SMAD2: variants seen among roughly 807,000 people sequenced by gnomAD.
SMAD2 encodes the protein MAD homolog 2.
Under a neutral mutation model 64.4 loss-of-function variants are expected in SMAD2, and 8 were observed. The ratio of observed to expected loss-of-function variants is 0.12; its 90% confidence interval spans 0.07 to 0.22. The LOEUF (loss-of-function observed/expected upper bound fraction) is 0.22, where lower values mean the gene tolerates loss of function less well. Among genes scored for constraint, SMAD2 ranks in the 10% least tolerant of loss-of-function variants. The pLI is 1.00. For missense variants in SMAD2, 289 were observed against 561.2 expected, an observed-to-expected ratio of 0.51 and a Z score of 4.90; for synonymous variants, 203 against 195.8, an observed-to-expected ratio of 1.04 and a Z score of -0.31.
chr18:47,854,237 T>C (rs1476898518), intron 6 of SMAD2, among the ~76,000 whole-genome samples: 1 of 152,174 alleles, frequency 6.6e-6, no homozygotes, highest in African/African-American at 2.4e-5. Context: ...ATTAGCAGTG[T>C]CTACTTACAG....
intron 2 of SMAD2, among the ~76,000 whole-genome samples, chr18:47,894,672 C>T (rs779532751): frequency 1.1e-4 from 17 of 152,192 alleles, no homozygotes; most frequent in Non-Finnish European, 2.1e-4. Flanking sequence ...CTGGATATAG[C>T]CCCAAGCATA....
At chr18:47,846,733 C>T (rs146011629) in intron 8 of SMAD2, among the ~76,000 whole-genome samples, 71 of 152,240 alleles carry the variant, frequency 4.7e-4, no homozygotes, top group African/African-American at 1.2e-3. Flanking sequence ...GATAAGAACA[C>T]AAGCCAGCTG....
chr18:47,861,635 T>C (rs1415503558), intron 6 of SMAD2, among the ~76,000 whole-genome samples: 1 of 152,190 alleles, frequency 6.6e-6, no homozygotes, highest in Admixed American at 6.5e-5. Context: ...GTTATAAGAC[T>C]ATTATCCTGA....
chr18:47,859,149 T>A (rs2030964744), intron 6 of SMAD2, among the ~76,000 whole-genome samples: 1 of 152,114 alleles, frequency 6.6e-6, no homozygotes, highest in Non-Finnish European at 1.5e-5. Context: ...AGATGTATAA[T>A]TCCAAATGTG....
At chr18:47,888,350 C>A (rs971246810) in intron 2 of SMAD2, among the ~76,000 whole-genome samples, 1 of 151,742 alleles carries the variant, frequency 6.6e-6, no homozygotes, top group African/African-American at 2.4e-5. Context: ...TAGGTGCAGG[C>A]TAAAGGCTTG....
At chr18:47,850,372 ATT>A (rs1568040678) in intron 7 of SMAD2, among the ~76,000 whole-genome samples, 1 of 25,718 alleles carries the variant, frequency 3.9e-5, no homozygotes, top group Non-Finnish European at 5.6e-5. Context: ...TATAATATAT[ATT>A]ATATATATTA....
Position 47,834,994 on chromosome 18 carries a change from C to A in SMAD2, c.*6833G>T. The A allele has an allele frequency of 4.5e-6, 1 of 221,412 alleles. No individual in the cohort carries two copies. The highest frequency in any genetic ancestry group is 9.0e-6 in the Non-Finnish European group (1 of 110,556). The allele number at this position is 221,412 out of a possible 1,614,324, so 13.7% of individuals were successfully genotyped here. Reference sequence around the variant, plus strand: ...GAGGTCTGGCCTTGGGAAAAGATGGCGAAAGGAATATTCTCAGATATGAAC... The same window carrying A: ...GAGGTCTGGCCTTGGGAAAAGATGGAGAAAGGAATATTCTCAGATATGAAC... On this transcript the variant is annotated 3_prime_UTR_variant, in exon 11 of 11. Coordinates refer to ENST00000262160, the MANE Select transcript of SMAD2 (RefSeq NM_005901.6).
intron 6 of SMAD2, among the ~76,000 whole-genome samples, chr18:47,858,555 C>CA (rs2030912522): frequency 6.6e-6 from 1 of 152,002 alleles, no homozygotes; most frequent in East Asian, 1.9e-4. Context: ...ATATCAAAAG[C>CA]AAAAAATAAC....
At chr18:47,868,980 G>A (rs888773543) in intron 4 of SMAD2, among the ~76,000 whole-genome samples, 2 of 152,134 alleles carry the variant, frequency 1.3e-5, no homozygotes, top group Admixed American at 1.3e-4. Flanking sequence ...CATCAGCATA[G>A]CGCTGAGCAG....
At chr18:47,847,992 C>T (rs1914692062) in intron 8 of SMAD2, among the ~76,000 whole-genome samples, 1 of 151,958 alleles carries the variant, frequency 6.6e-6, no homozygotes, top group Admixed American at 6.6e-5. Flanking sequence ...ATATTTTGAA[C>T]TATATTAAAT....
At position 47,810,245 on chromosome 18, in the gene SMAD2, G is replaced by T. The variant is rs1021155100; in HGVS notation, c.*31582C>A. On this transcript the variant is annotated 3_prime_UTR_variant, in exon 11 of 11. Transcript: ENST00000262160. ...TGCACACACGAGAAGAAAGTAAGAG[G>T]TCGCCAACCAAGTCATTTCCCTGTC... 2 of 152,260 alleles carry T rather than the reference G, an allele frequency of 1.3e-5. No individual in the cohort carries two copies. Among genetic ancestry groups the T allele is most frequent in the Non-Finnish European group, 2.9e-5 (2 of 68,050 alleles). 9.4% of individuals were successfully genotyped at this position (152,260 alleles called of 1,614,324 possible).
intron 2 of SMAD2, among the ~76,000 whole-genome samples, chr18:47,877,235 G>A (rs1257952128): frequency 6.6e-6 from 1 of 150,558 alleles, no homozygotes. Context: ...AAAGCATGCT[G>A]AACACTCAGT....
intron 2 of SMAD2, among the ~76,000 whole-genome samples, chr18:47,882,831 T>G (rs2032686628): frequency 6.6e-6 from 1 of 152,236 alleles, no homozygotes; most frequent in African/African-American, 2.4e-5. Flanking sequence ...TATTTCTTCA[T>G]GCATCAGCTG....
At chr18:47,869,151 A>C (rs1203427595) in intron 4 of SMAD2, 92 bp downstream of exon 4, 1 of 876,814 alleles carries the variant, frequency 1.1e-6, no homozygotes, top group Non-Finnish European at 1.8e-6. Flanking sequence ...TAGAATTTAC[A>C]CTAAAATTTT....
chr18:47,836,633 ATATAT>A lies in SMAD2; in HGVS notation c.*5189_*5193del, dbSNP rs1568024242. ...TATATGTATATATAAATTCATACAC[ATATAT>A]TATTTATTTCCTTCTTAAAAAGACT... is the stretch of plus-strand genomic sequence containing the variant. On this transcript the variant is annotated 3_prime_UTR_variant, in exon 11 of 11. Transcript: ENST00000262160. 1 of 214,430 alleles carries A rather than the reference ATATAT, an allele frequency of 4.7e-6. No individual in the cohort carries two copies. Among genetic ancestry groups the A allele is most frequent in the Non-Finnish European group, 9.4e-6 (1 of 106,428 alleles). The allele number at this position is 214,430 out of a possible 1,614,324, so 13.3% of individuals were successfully genotyped here.
chr18:47,908,969 A>G (rs2034015016), intron 1 of SMAD2, among the ~76,000 whole-genome samples: 1 of 152,232 alleles, frequency 6.6e-6, no homozygotes, highest in East Asian at 1.9e-4. Flanking sequence ...TGACATTACA[A>G]GAAAAACTCC....
intron 1 of SMAD2, among the ~76,000 whole-genome samples, chr18:47,925,563 T>C (rs572587743): frequency 2.7e-5 from 3 of 110,754 alleles, no homozygotes; most frequent in South Asian, 7.5e-4. Flanking sequence ...GAGCTATCTT[T>C]GAGATGTAAA....
chr18:47,859,748 A>G (rs1002908677), intron 6 of SMAD2, among the ~76,000 whole-genome samples: 2 of 152,210 alleles, frequency 1.3e-5, no homozygotes, highest in Non-Finnish European at 2.9e-5. Context: ...AAAAGTAAGC[A>G]GACAAAAAGA....
intron 1 of SMAD2, among the ~76,000 whole-genome samples, chr18:47,902,990 C>T (rs952301328): frequency 2.0e-5 from 3 of 152,148 alleles, no homozygotes; most frequent in Non-Finnish European, 1.5e-5. Context: ...TAGGTTTCCA[C>T]TAAGTACTTG....
Sources: gnomAD v4.1 joint callset for allele counts (sites outside exome capture counted in the v4.1 genomes callset) on GRCh38, gnomAD v4.1.1 for gene constraint, MANE v1.5 for transcripts, NCBI Gene and HGNC (gene_info 2026-07-23, HGNC 2026-07-21) for gene names.